KLHL1: variants seen among roughly 807,000 people sequenced by gnomAD.
KLHL1 encodes kelch-like protein 1.
A neutral mutation model predicts 77.7 loss-of-function variants in KLHL1; 47 were observed. The ratio of observed to expected loss-of-function variants is 0.60; its 90% CI spans 0.48 to 0.77. KLHL1 has a LOEUF of 0.77. KLHL1 is among the 30% of genes least tolerant of loss of function. KLHL1 has a pLI of 0.00. For synonymous variants in KLHL1, 360 were observed against 325.2 expected (o/e 1.11, Z -1.15); for missense variants, 925 against 910.8 (o/e 1.02, Z -0.20).
chr13:69,856,950 C>T (rs1035246786), intron 5 of KLHL1, among the ~76,000 whole-genome samples: 4 of 152,018 alleles, frequency 2.6e-5, no homozygotes, highest in Admixed American at 6.6e-5. Flanking sequence ...GATATAATGA[C>T]CTAACTTGTC....
intron 8 of KLHL1, among the ~76,000 whole-genome samples, chr13:69,732,634 T>C (rs1318915954): frequency 6.7e-6 from 1 of 149,750 alleles, no homozygotes; most frequent in East Asian, 2.0e-4. Context: ...TAAAGGGTCT[T>C]GGTTTTTTGT....
intron 1 of KLHL1, among the ~76,000 whole-genome samples, chr13:69,978,971 T>C (rs1485097205): frequency 6.6e-6 from 1 of 151,834 alleles, no homozygotes; most frequent in African/African-American, 2.4e-5. Flanking sequence ...GAGACCCTGG[T>C]TTGGGGGGCT....
At chr13:69,895,035 G>T in intron 4 of KLHL1, 2 of 505,324 alleles carry the variant, frequency 4.0e-6, no homozygotes, top group Admixed American at 2.1e-5. Context: ...TCTCTTCCAA[G>T]GTTCCTACTG....
At chr13:69,950,267 G>A (rs1308033355) in intron 3 of KLHL1, among the ~76,000 whole-genome samples, 1 of 151,564 alleles carries the variant, frequency 6.6e-6, no homozygotes, top group East Asian at 1.9e-4. Flanking sequence ...AATTAAACAT[G>A]CCAGTAGCTC....
chr13:69,715,988 G>A (rs1876104509), intron 9 of KLHL1, among the ~76,000 whole-genome samples: 1 of 151,976 alleles, frequency 6.6e-6, no homozygotes, highest in African/African-American at 2.4e-5. Flanking sequence ...TAAAATATAT[G>A]GAAATAATAC....
At chr13:69,989,222 T>A (rs1162558253) in intron 1 of KLHL1, among the ~76,000 whole-genome samples, 1 of 152,088 alleles carries the variant, frequency 6.6e-6, no homozygotes, top group Non-Finnish European at 1.5e-5. Context: ...AGGTAATCCT[T>A]TCCCCATTGC....
At chr13:69,810,149 G>A (rs552401162) in intron 6 of KLHL1, among the ~76,000 whole-genome samples, 1 of 152,122 alleles carries the variant, frequency 6.6e-6, no homozygotes, top group East Asian at 1.9e-4. Context: ...GAAAACTAAC[G>A]AAGAAATTCT....
intron 6 of KLHL1, among the ~76,000 whole-genome samples, chr13:69,797,442 T>C (rs1402391100): frequency 6.6e-6 from 1 of 152,222 alleles, no homozygotes; most frequent in East Asian, 1.9e-4. Flanking sequence ...CTTAAATAAC[T>C]GAAGGTTTTA....
chr13:69,819,698 C>T (rs927610963), intron 6 of KLHL1, among the ~76,000 whole-genome samples: 10 of 152,088 alleles, frequency 6.6e-5, no homozygotes, highest in East Asian at 1.9e-4. Context: ...CCTGAAGGAC[C>T]GATCACTGCT....
chr13:69,990,015 C>T lies in KLHL1; in HGVS notation c.498-14213G>A, dbSNP rs147005335. Among the ~76,000 whole-genome samples, 13 of 151,936 alleles carry T rather than the reference C, an allele frequency of 8.6e-5. No homozygotes were observed. In the East Asian group the frequency reaches 2.5e-3, roughly 29 times the overall value. ...CCTACAAGCCAGAGGAGATTTGAGG[C>T]CTATATTCAACATTCTTAAAGAAAA... On this transcript the variant is annotated intron_variant, in intron 1 of 10. Transcript: ENST00000377844.
In KLHL1 at chr13:69,975,737, A is replaced by C. The variant is rs773823910; in HGVS notation, c.563T>G (p.Phe188Cys). 1 of 1,613,482 alleles carries C rather than the reference A, an allele frequency of 6.2e-7. No homozygotes were observed. Among genetic ancestry groups the C allele is most frequent in the Non-Finnish European group, 8.5e-7 (1 of 1,179,784 alleles). The change falls in exon 2 of 11, where the codon TTC becomes TGC. Residue 188 changes from phenylalanine to cysteine, a missense_variant. By Grantham distance (205) the Phe-to-Cys change is radical. Coordinates refer to ENST00000377844, the MANE Select transcript of KLHL1 (RefSeq NM_020866.3). ...CTCAGCATGATGAACAGCTTGATAGAATTCTTCAGAGCTACTGGAGTCCAA... is the reference window on the plus strand; with the variant it reads ...CTCAGCATGATGAACAGCTTGATAGCATTCTTCAGAGCTACTGGAGTCCAA... ...SDLDSSSSEE[F>C]YQAVHHAEQT...
chr13:69,951,787 T>C (rs1056144608), intron 3 of KLHL1, among the ~76,000 whole-genome samples: 16 of 151,458 alleles, frequency 1.1e-4, no homozygotes, highest in Non-Finnish European at 2.2e-4. Context: ...ACTTTTATTT[T>C]CTGACTGCGA....
At chr13:70,086,577 AAAAAAAAAAAAAAAAAGAAAGAAAG>A (rs1400866401) in intron 1 of KLHL1, among the ~76,000 whole-genome samples, 13 of 40,322 alleles carry the variant, frequency 3.2e-4, no homozygotes, top group Admixed American at 2.9e-3. Context: ...TGTCTCAAAA[AAAAAAAAAAAAAAAAAGAAAGAAAG>A]AAAGAAAGAA....
chr13:69,939,447 A>G (rs1883298490), intron 4 of KLHL1, among the ~76,000 whole-genome samples: 1 of 149,654 alleles, frequency 6.7e-6, no homozygotes, highest in Non-Finnish European at 1.5e-5. Context: ...AATTTTTTCC[A>G]TAAAATCATA....
chr13:69,707,080 C>T (rs1422311992), intron 10 of KLHL1, among the ~76,000 whole-genome samples: 1 of 151,948 alleles, frequency 6.6e-6, no homozygotes, highest in Non-Finnish European at 1.5e-5. Flanking sequence ...CTATGCAAAG[C>T]CCTTTCCTGT....
At chr13:69,813,540 A>G (rs1021919240) in intron 6 of KLHL1, among the ~76,000 whole-genome samples, 1 of 152,060 alleles carries the variant, frequency 6.6e-6, no homozygotes, top group African/African-American at 2.4e-5. Flanking sequence ...CTTGATAAAC[A>G]ACTGTGGCAA....
chr13:70,047,399 T>TTGTGTGTG (rs140790054), intron 1 of KLHL1, among the ~76,000 whole-genome samples: 5,255 of 149,870 alleles, frequency 0.035, 135 homozygotes, highest in Non-Finnish European at 0.046. Flanking sequence ...GGAAATCTGT[T>TTGTGTGTG]TGTGTGTGTG....
Position 69,967,800 on chromosome 13 carries a change from G to T in KLHL1, c.681-6356C>A, listed in dbSNP as rs1483876004. Among the ~76,000 whole-genome samples, 3 of 151,532 alleles carry T rather than the reference G, an allele frequency of 2.0e-5. No individual in the cohort carries two copies. The East Asian group carries it at 5.8e-4, about 30-fold the overall frequency. On this transcript the variant is annotated intron_variant, in intron 2 of 10. Coordinates refer to ENST00000377844, the MANE Select transcript of KLHL1 (RefSeq NM_020866.3). ...CTCAGGTGGCTGAGGCAGGAGAATT[G>T]CTTGAACCTGGGAAGCGGAGATTGC...
At chr13:69,929,874 C>T (rs1882943832) in intron 4 of KLHL1, among the ~76,000 whole-genome samples, 1 of 151,700 alleles carries the variant, frequency 6.6e-6, no homozygotes, top group East Asian at 1.9e-4. Flanking sequence ...ATACTCAGGA[C>T]TTTGTTCTTT....
Sources: gnomAD v4.1 joint callset for allele counts (sites outside exome capture counted in the v4.1 genomes callset) on GRCh38, gnomAD v4.1.1 for gene constraint, MANE v1.5 for transcripts, NCBI Gene and HGNC (gene_info 2026-07-23, HGNC 2026-07-21) for gene names.